The following ADORA3 variants were observed in gnomAD, a reference collection of about 807,000 sequenced individuals.
The protein encoded by ADORA3 is adenosine A3 receptor.
Under a neutral mutation model 5.7 loss-of-function variants are expected in ADORA3, and 3 were observed. The observed-to-expected ratio is 0.52, with a 90% CI of 0.24 to 1.35. The LOEUF is 1.35. ADORA3 is among the 40% of genes most tolerant of loss of function. ADORA3 has a pLI of 0.17. For missense variants in ADORA3, 343 were observed against 389.0 expected, an observed-to-expected ratio of 0.88 and a Z score of 0.99; for synonymous variants, 168 against 152.3, an observed-to-expected ratio of 1.10 and a Z score of -0.76.
intron 1 of ADORA3, among the ~76,000 whole-genome samples, chr1:111,502,713 A>G (rs1432682255): frequency 1.3e-5 from 2 of 151,600 alleles, no homozygotes. Flanking sequence ...TTAAAGATGC[A>G]TCAAGATTTC....
intron 1 of ADORA3, 103 bp downstream of exon 1, chr1:111,502,902 G>A: frequency 7.0e-7 from 1 of 1,425,272 alleles, no homozygotes; most frequent in Non-Finnish European, 9.4e-7. Flanking sequence ...TCAACATCAA[G>A]GGCCAATTTG....
chr1:111,501,474 C>A (rs1252427787), intron 1 of ADORA3: 1 of 152,142 alleles, frequency 6.6e-6, no homozygotes, highest in East Asian at 1.9e-4. Flanking sequence ...TTATTGATGG[C>A]AATTGTGAAA....
At position 111,500,383 on chromosome 1, in the gene ADORA3, T is replaced by G; in HGVS notation, c.524A>C (p.Asp175Ala). The change falls in exon 2 of 2, where the codon GAC becomes GCC. Residue 175 changes from aspartate to alanine, a missense_variant. Transcript: ENST00000241356. Reference sequence around the variant, plus strand: ...GAGGAAGCTGAAGTATACCATGTAGTCCATTCTCATGACGGAAACAAATTG... The same window carrying G: ...GAGGAAGCTGAAGTATACCATGTAGGCCATTCTCATGACGGAAACAAATTG... Reference protein sequence around the residue: ...SCQFVSVMRMDYMVYFSFLTW... With the variant: ...SCQFVSVMRMAYMVYFSFLTW... 1 of 1,614,136 alleles carries G rather than the reference T, an allele frequency of 6.2e-7. No individual in the cohort carries two copies. The highest frequency in any genetic ancestry group is 8.5e-7 in the Non-Finnish European group (1 of 1,180,018).
At chr1:111,501,588 C>A (rs1334900058) in intron 1 of ADORA3, among the ~76,000 whole-genome samples, 1 of 152,150 alleles carries the variant, frequency 6.6e-6, no homozygotes, top group Non-Finnish European at 1.5e-5. Context: ...GAGGATAGTG[C>A]AATTATCCCC....
At chr1:111,501,831 C>T (rs1655191929) in intron 1 of ADORA3, among the ~76,000 whole-genome samples, 1 of 151,822 alleles carries the variant, frequency 6.6e-6, no homozygotes, top group Non-Finnish European at 1.5e-5. Context: ...TCACTCTGCT[C>T]TTTCCTCCAG....
In ADORA3 at chr1:111,503,618, C is replaced by A. The variant is rs1655368404; in HGVS notation, c.-264G>T. The A allele has an allele frequency of 7.7e-7, 1 of 1,299,208 alleles. No homozygotes were observed. Among genetic ancestry groups the A allele is most frequent in the Admixed American group, 3.3e-5 (1 of 30,676 alleles). The allele number at this position is 1,299,208 out of a possible 1,614,324, so 80.5% of individuals were successfully genotyped here. A position where few individuals can be genotyped will look rare whatever the true frequency, so the allele number is the denominator to read the frequency against. On this transcript the variant is annotated 5_prime_UTR_variant, in exon 1 of 2. Transcript: ENST00000241356. ...CTCAAGTTTCCAGAATGCTGTAGGA[C>A]AGCTCTATATGGACTGAATCTGAAA...
rs1034306623 is a variant in ADORA3 at position 111,503,490 on chromosome 1, C to A, written c.-136G>T. The stretch of plus-strand genomic sequence containing the variant: ...GACAGTCTAAAATTCCCAACTTGCT[C>A]ATTCCTACCCTTTTCTGGTGGGGTG... On this transcript the variant is annotated 5_prime_UTR_variant, in exon 1 of 2. It removes an upstream start codon present in the reference 5' UTR. Transcript: ENST00000241356. 1 of 1,448,436 alleles carries A rather than the reference C, an allele frequency of 6.9e-7. No homozygotes were observed. Among genetic ancestry groups the A allele is most frequent in the Non-Finnish European group, 9.1e-7 (1 of 1,101,104 alleles). 89.7% of individuals were successfully genotyped at this position (1,448,436 alleles called of 1,614,324 possible). A position where few individuals can be genotyped will look rare whatever the true frequency, so the allele number is the denominator to read the frequency against.
chr1:111,502,842 T>C (rs1192059441), intron 1 of ADORA3, among the ~76,000 whole-genome samples, 163 bp downstream of exon 1: 1 of 152,032 alleles, frequency 6.6e-6, no homozygotes, highest in Non-Finnish European at 1.5e-5. Flanking sequence ...AGCCCATTGT[T>C]GCTAACCCCC....
chr1:111,503,519 T>C lies in ADORA3; in HGVS notation c.-165A>G. On this transcript the variant is annotated 5_prime_UTR_variant, in exon 1 of 2. Coordinates refer to ENST00000241356, the MANE Select transcript of ADORA3 (RefSeq NM_000677.4). ...CCTACCCTTTTCTGGTGGGGTGATCTCTTGGAAACCCTTCTCCTTAGAAAG... is the reference window on the plus strand; with the variant it reads ...CCTACCCTTTTCTGGTGGGGTGATCCCTTGGAAACCCTTCTCCTTAGAAAG... 7.0e-7 allele frequency: 1 copy of C among 1,431,544 alleles called. No individual in the cohort carries two copies. Among genetic ancestry groups the C allele is most frequent in the Non-Finnish European group, 9.1e-7 (1 of 1,095,260 alleles). 88.7% of individuals were successfully genotyped at this position (1,431,544 alleles called of 1,614,324 possible).
intron 1 of ADORA3, among the ~76,000 whole-genome samples, chr1:111,501,962 A>G (rs193049175): frequency 1.3e-5 from 2 of 149,380 alleles, no homozygotes; most frequent in Admixed American, 1.4e-4. Context: ...TTACGAAAAA[A>G]GCTCTCACAT....
chr1:111,500,178 C>T lies in ADORA3; in HGVS notation c.729G>A (p.Trp243Ter). 12 of 1,614,156 alleles carry T rather than the reference C, an allele frequency of 7.4e-6. No individual in the cohort carries two copies. Among genetic ancestry groups the T allele is most frequent in the Non-Finnish European group, 1.0e-5 (12 of 1,180,032 alleles). ...TGCAGTTGATGATAGATAAAGGCAG[C>T]CATGACAGAGCAAACAAGAAAAGAA... ...FLVLFLFALS[W>*]LPLSIINCII... The change falls in exon 2 of 2, where the codon TGG becomes TGA. Residue 243 changes from tryptophan (W) to a stop codon, truncating the protein, a stop_gained. Coordinates refer to ENST00000241356, the MANE Select transcript of ADORA3 (RefSeq NM_000677.4). LOFTEE classifies it low-confidence loss of function (END_TRUNC).
Position 111,503,455 on chromosome 1 carries a change from C to A in ADORA3, c.-101G>T. 1 of 1,478,566 alleles carries A rather than the reference C, an allele frequency of 6.8e-7. No individual in the cohort carries two copies. Among genetic ancestry groups the A allele is most frequent in the South Asian group, 1.4e-5 (1 of 72,732 alleles). 91.6% of individuals were successfully genotyped at this position (1,478,566 alleles called of 1,614,324 possible). On this transcript the variant is annotated 5_prime_UTR_variant, in exon 1 of 2. The change abolishes an upstream ATG in the 5' untranslated region. Transcript: ENST00000241356. Reference sequence around the variant, plus strand: ...CTCGCCAGACGTCTTCCCAGAGGTCCATGTGCAGTGACAGTCTAAAATTCC... The same window carrying A: ...CTCGCCAGACGTCTTCCCAGAGGTCAATGTGCAGTGACAGTCTAAAATTCC...
At position 111,503,104 on chromosome 1, in the gene ADORA3, A is replaced by C; in HGVS notation, c.251T>G (p.Leu84Arg). ...GATAAGCAGTAGGCAAGTCATAAAA[A>C]GGCAGCTGTAGAAGTGGATTGTGAT... is the stretch of plus-strand genomic sequence containing the variant. ...LGITIHFYSC[L>R]FMTCLLLIFT... The change falls in exon 1 of 2, where the codon CTT becomes CGT. Residue 84 changes from leucine to arginine, a missense_variant. Transcript: ENST00000241356. 6.2e-7 allele frequency: 1 copy of C among 1,614,200 alleles called. No individual in the cohort carries two copies. Among genetic ancestry groups the C allele is most frequent in the African/African-American group, 1.3e-5 (1 of 75,066 alleles).
rs374096028 is a variant in ADORA3, at chr1:111,503,355, C to G, written c.-1G>C. 8 of 1,605,264 alleles carry G rather than the reference C, an allele frequency of 5.0e-6. No homozygotes were observed. In the African/African-American group the frequency reaches 1.1e-4, roughly 21 times the overall value. The stretch of plus-strand genomic sequence containing the variant: ...ACAGAGCAGTGCTGTTGTTGGGCAT[C>G]TTGCCTTCCCAGGGGAACCTCCACA... On this transcript the variant is annotated 5_prime_UTR_variant, in exon 1 of 2. Coordinates refer to ENST00000241356, the MANE Select transcript of ADORA3 (RefSeq NM_000677.4).
chr1:111,502,192 TA>T (rs1322787497), intron 1 of ADORA3, among the ~76,000 whole-genome samples: 1 of 22,110 alleles, frequency 4.5e-5, no homozygotes, highest in South Asian at 1.2e-3. Context: ...AGGATATATA[TA>T]TTATAATAAA....
At chr1:111,502,541 G>A (rs1655294318) in intron 1 of ADORA3, among the ~76,000 whole-genome samples, 1 of 147,406 alleles carries the variant, frequency 6.8e-6, no homozygotes, top group African/African-American at 2.5e-5. Context: ...ATTGAAGTAG[G>A]CACAGAATAG....
rs1236970322 is a variant in ADORA3, at chr1:111,499,722, G to C, written c.*228C>G. ...AATATCAATAATACGTTGTCCCCAA[G>C]TCAGGCCTCCAAAACACTGAATTAG... On this transcript the variant is annotated 3_prime_UTR_variant, in exon 2 of 2. Coordinates refer to ENST00000241356, the MANE Select transcript of ADORA3 (RefSeq NM_000677.4). 11 of 1,366,004 alleles carry C rather than the reference G, an allele frequency of 8.1e-6. No homozygotes were observed. The highest frequency in any genetic ancestry group is 1.0e-5 in the Non-Finnish European group (11 of 1,057,400). 84.6% of individuals were successfully genotyped at this position (1,366,004 alleles called of 1,614,324 possible).
rs948763983 is a variant in ADORA3 at position 111,500,389 on chromosome 1, C to T, written c.518G>A (p.Arg173Lys). Residue 173 changes from arginine to lysine, a missense_variant, in exon 2 of 2, where the codon AGA (arginine) becomes AAA (lysine). Coordinates refer to ENST00000241356, the MANE Select transcript of ADORA3 (RefSeq NM_000677.4). ...FLSCQFVSVM[R>K]MDYMVYFSFL... ...GCTGAAGTATACCATGTAGTCCATT[C>T]TCATGACGGAAACAAATTGGCATGA... The T allele has an allele frequency of 6.2e-7, 1 of 1,614,086 alleles. No individual in the cohort carries two copies. Among genetic ancestry groups the T allele is most frequent in the Non-Finnish European group, 8.5e-7 (1 of 1,180,050 alleles).
At position 111,499,865 on chromosome 1, in the gene ADORA3, C is replaced by A; in HGVS notation, c.*85G>T. The A allele has an allele frequency of 6.5e-7, 1 of 1,549,018 alleles. No homozygotes were observed. The highest frequency in any genetic ancestry group is 8.7e-7 in the Non-Finnish European group (1 of 1,150,722). ...TGGAAGTAATCAAGGATGTAAAAAT[C>A]CCTTGGCCCAGGCATACAGGCCCTC... On this transcript the variant is annotated 3_prime_UTR_variant, in exon 2 of 2. Transcript: ENST00000241356.
Sources: allele counts gnomAD v4.1 joint callset (sites outside exome capture counted in the v4.1 genomes callset), GRCh38; gene constraint gnomAD v4.1.1; transcripts MANE v1.5; gene names NCBI Gene and HGNC (gene_info 2026-07-23, HGNC 2026-07-21).